The following MAMDC2 variants were observed in gnomAD, a reference collection of about 807,000 sequenced individuals.
MAMDC2 encodes MAM domain containing 2.
Under a neutral mutation model 89.8 loss-of-function variants are expected in MAMDC2, and 57 were observed. The observed-to-expected ratio is 0.63, with a 90% CI of 0.51 to 0.79. The LOEUF (loss-of-function observed/expected upper bound fraction) is 0.79, where lower values mean the gene tolerates loss of function less well. Among genes scored for constraint, MAMDC2 ranks in the 30% least tolerant of loss-of-function variants. The pLI is 0.00. For missense variants in MAMDC2, 800 were observed against 820.6 expected (o/e 0.97, Z 0.31); for synonymous variants, 313 against 293.4 (o/e 1.07, Z -0.68).
intron 9 of MAMDC2, among the ~76,000 whole-genome samples, chr9:70,148,873 C>T (rs2031490075): frequency 6.7e-6 from 1 of 149,138 alleles, no homozygotes; most frequent in Non-Finnish European, 1.5e-5. Flanking sequence ...ACTAAAAATA[C>T]AAAAAATTAG....
At chr9:70,119,497 T>A (rs1362693727) in intron 5 of MAMDC2, among the ~76,000 whole-genome samples, 1 of 152,198 alleles carries the variant, frequency 6.6e-6, no homozygotes, top group Non-Finnish European at 1.5e-5. Flanking sequence ...GGGAAGCAGC[T>A]TTCTTAATTT....
At chr9:70,067,700 C>T (rs1012929867) in intron 2 of MAMDC2, among the ~76,000 whole-genome samples, 7 of 152,114 alleles carry the variant, frequency 4.6e-5, no homozygotes, top group East Asian at 3.9e-4. Flanking sequence ...TCTTTCAGTT[C>T]GGTGATGTAA....
intron 11 of MAMDC2, among the ~76,000 whole-genome samples, chr9:70,203,293 T>G: frequency 6.6e-6 from 1 of 151,502 alleles, no homozygotes; most frequent in Non-Finnish European, 1.5e-5. Context: ...TGTAAAGTAT[T>G]TTATTTCTCC....
intron 11 of MAMDC2, among the ~76,000 whole-genome samples, chr9:70,179,328 C>T (rs931518786): frequency 1.4e-5 from 2 of 145,534 alleles, no homozygotes; most frequent in Non-Finnish European, 3.0e-5. Flanking sequence ...CTGGCTAACA[C>T]GGTGAAACCT....
At chr9:70,208,285 C>G (rs1242437941) in intron 11 of MAMDC2, among the ~76,000 whole-genome samples, 1 of 152,044 alleles carries the variant, frequency 6.6e-6, no homozygotes, top group African/African-American at 2.4e-5. Flanking sequence ...CCTTCCATTT[C>G]TTTGTGTCCT....
chr9:70,143,605 G>T lies in MAMDC2; in HGVS notation c.1190G>T (p.Gly397Val). ...TTCACATCTCAGCCTGGCTACATTG[G>T]AAGGCTCTATGGGCCCTCCCTACCA... ...TKFTSQPGYI[G>V]RLYGPSLPGN... is the part of the protein sequence containing the mutation. Residue 397 changes from glycine to valine, a missense_variant, in exon 9 of 14, where the codon GGA (glycine) becomes GTA (valine). Coordinates refer to ENST00000377182, the MANE Select transcript of MAMDC2 (RefSeq NM_153267.5). 1 of 1,614,106 alleles carries T rather than the reference G, an allele frequency of 6.2e-7. No homozygotes were observed. Among genetic ancestry groups the T allele is most frequent in the Non-Finnish European group, 8.5e-7 (1 of 1,179,978 alleles).
At chr9:70,165,236 G>A (rs2032134593) in intron 9 of MAMDC2, among the ~76,000 whole-genome samples, 1 of 152,140 alleles carries the variant, frequency 6.6e-6, no homozygotes, top group Non-Finnish European at 1.5e-5. Context: ...TCTTTGTCCT[G>A]CCTCAACCAG....
At chr9:70,146,422 T>C (rs1014332620) in intron 9 of MAMDC2, among the ~76,000 whole-genome samples, 27 of 152,180 alleles carry the variant, frequency 1.8e-4, no homozygotes, top group African/African-American at 5.8e-4. Context: ...TGGCCCTTAG[T>C]TCTTGGCAGG....
At chr9:70,121,071 C>T (rs1304719547) in intron 5 of MAMDC2, among the ~76,000 whole-genome samples, 1 of 152,170 alleles carries the variant, frequency 6.6e-6, no homozygotes, top group African/African-American at 2.4e-5. Context: ...CAGCAGGGCG[C>T]ATCACAGCTG....
At chr9:70,090,968 C>T (rs1827885608) in intron 2 of MAMDC2, among the ~76,000 whole-genome samples, 1 of 152,080 alleles carries the variant, frequency 6.6e-6, no homozygotes, top group Non-Finnish European at 1.5e-5. Flanking sequence ...ATAATATAAC[C>T]ATCTCCAAGA....
At chr9:70,173,861 A>C (rs115762505) in intron 11 of MAMDC2, among the ~76,000 whole-genome samples, 130 of 152,340 alleles carry the variant, frequency 8.5e-4, no homozygotes, top group African/African-American at 3.1e-3. Context: ...TCACTAAGTA[A>C]GGTTCCCATT....
At chr9:70,141,072 G>A (rs377337176) in intron 8 of MAMDC2, among the ~76,000 whole-genome samples, 5 of 152,260 alleles carry the variant, frequency 3.3e-5, no homozygotes, top group South Asian at 4.2e-4. Flanking sequence ...TGAGTTTACC[G>A]TGGAGCTGGT....
intron 6 of MAMDC2, among the ~76,000 whole-genome samples, chr9:70,126,909 A>AT (rs1256997897): frequency 6.6e-6 from 1 of 151,362 alleles, no homozygotes. Flanking sequence ...CAAACTTGCT[A>AT]TTATGGCCCT....
At chr9:70,204,907 CT>C (rs1273019661) in intron 11 of MAMDC2, among the ~76,000 whole-genome samples, 1 of 152,234 alleles carries the variant, frequency 6.6e-6, no homozygotes, top group Non-Finnish European at 1.5e-5. Context: ...CCCCGCCCTG[CT>C]TCAGCTCGCG....
rs575811285 is a variant in MAMDC2, at chr9:70,215,808, T to C, written c.1652-2529T>C. Among the ~76,000 whole-genome samples, 6 of 152,296 alleles carry C rather than the reference T, an allele frequency of 3.9e-5. No homozygotes were observed. The East Asian group carries it at 9.7e-4, about 25-fold the overall frequency. On this transcript the variant is annotated intron_variant, in intron 11 of 13. Coordinates refer to ENST00000377182, the MANE Select transcript of MAMDC2 (RefSeq NM_153267.5). Reference sequence around the variant, plus strand: ...CCAGTTTTGCAGGGTGAGAACTTTATAGAGTAAAACAAACACTGGGGGAAG... The same window carrying C: ...CCAGTTTTGCAGGGTGAGAACTTTACAGAGTAAAACAAACACTGGGGGAAG...
chr9:70,170,350 CCAGTGGGGGCTG>C, intron 10 of MAMDC2, 117 bp from the exon 11 acceptor site: 1 of 1,042,128 alleles, frequency 9.6e-7, no homozygotes, highest in East Asian at 2.7e-5. Flanking sequence ...AGGTGGGCCA[CCAGTGGGGGCTG>C]CCTCTCCATC....
rs761889597 is a variant in MAMDC2, at chr9:70,050,661, A to C, written c.148+5964A>C. Among the ~76,000 whole-genome samples the C allele has an allele frequency of 8.5e-4, 129 of 152,246 alleles. 1 individual carries two copies. The highest frequency in any genetic ancestry group is 1.9e-4 in the Non-Finnish European group (13 of 68,038). ...ATTACTTGATGTGTCTTTTATCAACATCATAAACTTTATAAATAAACATTA... is the reference window on the plus strand; with the variant it reads ...ATTACTTGATGTGTCTTTTATCAACCTCATAAACTTTATAAATAAACATTA... On this transcript the variant is annotated intron_variant, in intron 2 of 13. Coordinates refer to ENST00000377182, the MANE Select transcript of MAMDC2 (RefSeq NM_153267.5).
intron 11 of MAMDC2, among the ~76,000 whole-genome samples, chr9:70,200,232 G>A (rs1321044520): frequency 6.6e-6 from 1 of 151,512 alleles, no homozygotes; most frequent in Non-Finnish European, 1.5e-5. Context: ...TTTTGTATAA[G>A]GTGTAAGGAA....
chr9:70,196,646 T>C (rs968731052), intron 11 of MAMDC2, among the ~76,000 whole-genome samples: 5 of 151,914 alleles, frequency 3.3e-5, no homozygotes, highest in African/African-American at 1.2e-4. Flanking sequence ...TCCAGCAGAG[T>C]TGAAGAAATA....
Sources: allele counts gnomAD v4.1 joint callset (sites outside exome capture counted in the v4.1 genomes callset), GRCh38; gene constraint gnomAD v4.1.1; transcripts MANE v1.5; gene names NCBI Gene and HGNC (gene_info 2026-07-23, HGNC 2026-07-21).